The following RIC8A variants were observed in gnomAD, a reference collection of about 807,000 sequenced individuals.
RIC8A encodes the protein chaperone Ric-8A.
A neutral mutation model predicts 48.4 loss-of-function variants in RIC8A; 37 were observed. The ratio of observed to expected loss-of-function variants is 0.77; its 90% CI spans 0.59 to 1.01. RIC8A has a LOEUF of 1.01. Ranked by LOEUF, RIC8A falls within the 50% of genes least tolerant of loss-of-function variation. RIC8A has a pLI of 0.00. For missense variants in RIC8A, 681 were observed against 696.8 expected (o/e 0.98, Z 0.25); for synonymous variants, 288 against 283.4 (o/e 1.02, Z -0.16).
Position 213,284 on chromosome 11 carries a change from C to T in RIC8A, c.1356-15C>T, listed in dbSNP as rs909925349. On this transcript the variant is annotated splice_polypyrimidine_tract_variant and intron_variant, in intron 8 of 9. Transcript: ENST00000526104. ...TCACTAATGCATTCCCCACATTCCA[C>T]CCACTGGGAAACAGCATAAACCCTG... 5.6e-6 allele frequency: 9 copies of T among 1,613,728 alleles called. No homozygotes were observed. The African/African-American group carries it at 8.0e-5, about 14-fold the overall frequency.
chr11:211,101 T>C lies in RIC8A; in HGVS notation c.819-98T>C, dbSNP rs531081159. On this transcript the variant is annotated intron_variant, in intron 4 of 9. Transcript: ENST00000526104. This position sits in a 1 kb window ranked among gnomAD's most constrained non-coding sequence, Gnocchi z 4.0. ...TAGCGCTGCCCCTTTGGGACTCAGA[T>C]GCCAGCTCATGTAATGTGTGGTTCA... 2 of 1,357,384 alleles carry C rather than the reference T, an allele frequency of 1.5e-6. No individual in the cohort carries two copies. Among genetic ancestry groups the C allele is most frequent in the African/African-American group, 2.9e-5 (2 of 68,526 alleles). 84.1% of individuals were successfully genotyped at this position (1,357,384 alleles called of 1,614,324 possible). A position where few individuals can be genotyped will look rare whatever the true frequency, so the allele number is the denominator to read the frequency against.
chr11:212,998 C>T lies in RIC8A; in HGVS notation c.1355+17C>T, dbSNP rs1564800470. On this transcript the variant is annotated intron_variant, in intron 8 of 9. Transcript: ENST00000526104. ...CAAAGCCAGGTGTGTACCCCCAACA[C>T]ACCCTCGGGTCTCCACTCACAGCCC... 1.3e-6 allele frequency: 2 copies of T among 1,534,232 alleles called. No homozygotes were observed. The highest frequency in any genetic ancestry group is 1.4e-5 in the African/African-American group (1 of 72,404).
chr11:208,733 C>G lies in RIC8A; in HGVS notation c.-122C>G. ...TGCGCCCCGTTAAAGCGCCACCAGA[C>G]GCCGCGCCCCGTCCCGGCCTCCCCC... is the stretch of plus-strand genomic sequence containing the variant. On this transcript the variant is annotated 5_prime_UTR_variant, in exon 1 of 10. Coordinates refer to ENST00000526104, the MANE Select transcript of RIC8A (RefSeq NM_001286134.2). This position sits in a 1 kb window ranked among gnomAD's most constrained non-coding sequence, Gnocchi z 4.8. 1.5e-6 allele frequency: 1 copy of G among 654,058 alleles called. No homozygotes were observed. The allele number at this position is 654,058 out of a possible 1,614,324, so 40.5% of individuals were successfully genotyped here.
chr11:209,505 C>T lies in RIC8A; in HGVS notation c.231C>T (p.Arg77=), dbSNP rs2133746580. 6.2e-7 allele frequency: 1 copy of T among 1,613,464 alleles called. No homozygotes were observed. The highest frequency in any genetic ancestry group is 8.5e-7 in the Non-Finnish European group (1 of 1,179,578). Residue 77 remains arginine (R), a synonymous_variant, in exon 3 of 10, where the codon CGC becomes CGT. Transcript: ENST00000526104. The stretch of plus-strand genomic sequence containing the variant: ...GTGTCCGAATCCTGTCCCGGGACCG[C>T]AACTGCCTGGACCCGTTCACCAGCC... ...LQSVRILSRD[R]NCLDPFTSRQ...
Position 212,625 on chromosome 11 carries a change from C to A in RIC8A, c.1076C>A (p.Pro359His). The A allele has an allele frequency of 1.2e-6, 2 of 1,614,028 alleles. No homozygotes were observed. The highest frequency in any genetic ancestry group is 1.7e-6 in the Non-Finnish European group (2 of 1,179,980). ...TGGCCACCTCCCCAGGTGCTGCCCC[C>A]TCTGCGGGATGTGAGGACACGGCCT... is the stretch of plus-strand genomic sequence containing the variant. ...RKFLKAQVLP[P>H]LRDVRTRPEV... is the part of the protein sequence containing the mutation. Residue 359 changes from proline (P) to histidine (H), a missense_variant, in exon 7 of 10, where the codon CCT becomes CAT. Pro to His is a moderately conservative substitution (Grantham distance 77). Coordinates refer to ENST00000526104, the MANE Select transcript of RIC8A (RefSeq NM_001286134.2).
At position 210,628 on chromosome 11, in the gene RIC8A, G is replaced by A. The variant is rs371604801; in HGVS notation, c.784G>A (p.Ala262Thr). ...GTLLRHCVMI[A>T]TAGDRTEEFH... ...CCTTCTCCGGCACTGTGTGATGATC[G>A]CTACTGCTGGAGACCGCACAGAGGA... is the stretch of plus-strand genomic sequence containing the variant. Residue 262 changes from alanine (A) to threonine (T), a missense_variant, in exon 4 of 10, where the codon GCT (alanine) becomes ACT (threonine). Coordinates refer to ENST00000526104, the MANE Select transcript of RIC8A (RefSeq NM_001286134.2). 3.9e-5 allele frequency: 63 copies of A among 1,614,102 alleles called. 1 individual carries two copies. The Middle Eastern group carries it at 2.3e-3, about 59-fold the overall frequency.
chr11:208,111 G>A lies in RIC8A; in HGVS notation c.-744G>A, dbSNP rs749018476. The A allele has an allele frequency of 3.9e-5, 6 of 152,278 alleles. No individual in the cohort carries two copies. Among genetic ancestry groups the A allele is most frequent in the Non-Finnish European group, 8.8e-5 (6 of 68,066 alleles). 9.4% of individuals were successfully genotyped at this position (152,278 alleles called of 1,614,324 possible). ...CACGCAGGATCTTTGCTTTTCAAGAGGGAACTGAGTCCAGGCCAGACTGGG... is the reference window on the plus strand; with the variant it reads ...CACGCAGGATCTTTGCTTTTCAAGAAGGAACTGAGTCCAGGCCAGACTGGG... On this transcript the variant is annotated 5_prime_UTR_variant, in exon 1 of 10. Coordinates refer to ENST00000526104, the MANE Select transcript of RIC8A (RefSeq NM_001286134.2). This position sits in a 1 kb window ranked among gnomAD's most constrained non-coding sequence, Gnocchi z 4.8.
intron 1 of RIC8A, 104 bp from the exon 2 acceptor site, chr11:209,167 C>T: frequency 7.2e-7 from 1 of 1,387,906 alleles, no homozygotes; most frequent in Non-Finnish European, 1.0e-6. Context: ...GCCATCCGTT[C>T]TGAGCAGTGG....
intron 2 of RIC8A, 34 bp from the exon 3 acceptor site, chr11:209,373 G>A (rs1328440531): frequency 1.2e-6 from 2 of 1,601,084 alleles, no homozygotes; most frequent in East Asian, 2.2e-5. Context: ...CAGGAAGAAG[G>A]GCCTGGTGGA....
chr11:210,438 G>A (rs2133748498), intron 3 of RIC8A, 133 bp from the exon 4 acceptor site: 1 of 887,942 alleles, frequency 1.1e-6, no homozygotes, highest in Non-Finnish European at 1.9e-6. Flanking sequence ...AAGACCCCAG[G>A]GGACCAGGTA....
chr11:211,517 C>A lies in RIC8A; in HGVS notation c.969+168C>A. On this transcript the variant is annotated intron_variant, in intron 5 of 9. Transcript: ENST00000526104. The surrounding 1 kb of genome is among the most constrained non-coding windows in gnomAD (Gnocchi z 4.0). ...TTCTGTGGTCCAGCCTGGCAAGAAG[C>A]CAGACCCTTCCTCCATGAGAAGCAT... The A allele has an allele frequency of 1.6e-6, 1 of 644,198 alleles. No individual in the cohort carries two copies. The highest frequency in any genetic ancestry group is 2.6e-6 in the Non-Finnish European group (1 of 392,102). 39.9% of individuals were successfully genotyped at this position (644,198 alleles called of 1,614,324 possible).
At position 212,827 on chromosome 11, in the gene RIC8A, T is replaced by C. The variant is rs569550385; in HGVS notation, c.1211-10T>C. The C allele has an allele frequency of 3.4e-5, 55 of 1,604,864 alleles. No homozygotes were observed. The South Asian group carries it at 4.9e-4, about 14-fold the overall frequency. ...CAGGCTTGCACACTGACCTCTGCCT[T>C]GCCCCTCAGTGCCCCGATTCATCAA... On this transcript the variant is annotated splice_polypyrimidine_tract_variant and intron_variant, in intron 7 of 9. Coordinates refer to ENST00000526104, the MANE Select transcript of RIC8A (RefSeq NM_001286134.2).
rs1412658090 is a variant in RIC8A, at chr11:208,127, C to G, written c.-728C>G. The G allele has an allele frequency of 6.6e-6, 1 of 152,352 alleles. No homozygotes were observed. The highest frequency in any genetic ancestry group is 1.5e-5 in the Non-Finnish European group (1 of 68,116). The allele number at this position is 152,352 out of a possible 1,614,324, so 9.4% of individuals were successfully genotyped here. On this transcript the variant is annotated 5_prime_UTR_variant, in exon 1 of 10. Coordinates refer to ENST00000526104, the MANE Select transcript of RIC8A (RefSeq NM_001286134.2). This position sits in a 1 kb window ranked among gnomAD's most constrained non-coding sequence, Gnocchi z 4.8. ...TTTTCAAGAGGGAACTGAGTCCAGG[C>G]CAGACTGGGTTGCTCCCCTTTCTCT...
chr11:212,549 G>A, intron 6 of RIC8A, 38 bp downstream of exon 6: 1 of 1,612,786 alleles, frequency 6.2e-7, no homozygotes. Flanking sequence ...GGGGGATGTG[G>A]TTTCGGCCCT....
intron 5 of RIC8A, 36 bp from the exon 6 acceptor site, chr11:212,380 A>G (rs750723363): frequency 6.3e-7 from 1 of 1,587,032 alleles, no homozygotes; most frequent in Non-Finnish European, 8.6e-7. Context: ...CAAGTTAGGC[A>G]GGGGCATAGC....
At chr11:213,482 TTG>T in intron 9 of RIC8A, 64 bp downstream of exon 9, 1 of 1,545,288 alleles carries the variant, frequency 6.5e-7, no homozygotes, top group South Asian at 1.2e-5. Flanking sequence ...ACATCCTGTC[TTG>T]TGAGCCCCAG....
intron 6 of RIC8A, 34 bp from the exon 7 acceptor site, chr11:212,581 C>G (rs1273933025): frequency 1.9e-6 from 3 of 1,613,184 alleles, no homozygotes; most frequent in South Asian, 2.2e-5. Context: ...CTTGGCTGCT[C>G]TAAGCCCAAG....
At chr11:212,795 C>T in intron 7 of RIC8A, 36 bp downstream of exon 7, 1 of 1,611,956 alleles carries the variant, frequency 6.2e-7, no homozygotes, top group Non-Finnish European at 8.5e-7. Flanking sequence ...GCCCACCCCA[C>T]CTCAGCCAGG....
In RIC8A at chr11:212,587, C is replaced by G. The variant is rs375214268; in HGVS notation, c.1066-28C>G. 1.9e-6 allele frequency: 3 copies of G among 1,613,336 alleles called. No individual in the cohort carries two copies. The African/African-American group carries it at 4.0e-5, about 22-fold the overall frequency. On this transcript the variant is annotated intron_variant, in intron 6 of 9. Coordinates refer to ENST00000526104, the MANE Select transcript of RIC8A (RefSeq NM_001286134.2). ...TCACAGACCCTTGGCTGCTCTAAGC[C>G]CAAGCTTAGGGATGGCCACCTCCCC...
Sources: gnomAD v4.1 joint callset for allele counts on GRCh38, gnomAD v4.1.1 for gene constraint, Gnocchi (gnomAD v3.1) non-coding constraint, MANE v1.5 for transcripts, NCBI Gene and HGNC (gene_info 2026-07-23, HGNC 2026-07-21) for gene names.